Variants in FAM53A observed in about 807,000 individuals in gnomAD.
FAM53A encodes the protein protein FAM53A.
Under a neutral mutation model 26.6 loss-of-function variants are expected in FAM53A, and 28 were observed. The ratio of observed to expected loss-of-function variants is 1.05; its 90% CI spans 0.78 to 1.45. FAM53A has a LOEUF of 1.45. FAM53A is among the 40% of genes most tolerant of loss of function. FAM53A has a pLI of 0.00. For synonymous variants in FAM53A, 290 were observed against 253.1 expected (o/e 1.15, Z -1.38); for missense variants, 650 against 575.8 (o/e 1.13, Z -1.32).
At chr4:1,634,220 G>T (rs998962929) in intron 1 of FAM53A, among the ~76,000 whole-genome samples, 1 of 152,174 alleles carries the variant, frequency 6.6e-6, no homozygotes, top group Non-Finnish European at 1.5e-5. Flanking sequence ...AAGCTGCTTC[G>T]TGCAAACAGG....
chr4:1,616,246 A>C (rs1714806904), downstream of FAM53A, among the ~76,000 whole-genome samples: 1 of 152,246 alleles, frequency 6.6e-6, no homozygotes, highest in Non-Finnish European at 1.5e-5. Flanking sequence ...GTCACAGGAC[A>C]CATCAGCACT....
At chr4:1,622,652 G>A (rs1426148353) in intron 1 of FAM53A, among the ~76,000 whole-genome samples, 5 of 152,254 alleles carry the variant, frequency 3.3e-5, no homozygotes, top group African/African-American at 1.2e-4. Context: ...GCTGTGAGGG[G>A]ACGGTGGAGC....
chr4:1,618,589 G>C (rs1487331552), intron 1 of FAM53A, among the ~76,000 whole-genome samples: 1 of 152,204 alleles, frequency 6.6e-6, no homozygotes, highest in Non-Finnish European at 1.5e-5. Flanking sequence ...GAAGACGGGA[G>C]GGGAGGCTGT....
intron 2 of FAM53A, among the ~76,000 whole-genome samples, chr4:1,663,508 A>G (rs1213126481): frequency 1.3e-5 from 2 of 152,190 alleles, no homozygotes; most frequent in African/African-American, 4.8e-5. Context: ...GTGGTCTCTC[A>G]AACACGAACC....
chr4:1,582,207 A>G, the FAM53A span, among the ~76,000 whole-genome samples: 1 of 152,230 alleles, frequency 6.6e-6, no homozygotes, highest in Non-Finnish European at 1.5e-5. Flanking sequence ...TTTACTACTG[A>G]TATGATAAGA....
At chr4:1,626,457 A>T (rs1484152244) in intron 1 of FAM53A, among the ~76,000 whole-genome samples, 1 of 152,144 alleles carries the variant, frequency 6.6e-6, no homozygotes, top group Non-Finnish European at 1.5e-5. Context: ...GGGAGGACCC[A>T]GTGTAGACTC....
the FAM53A span, among the ~76,000 whole-genome samples, chr4:1,608,758 G>T: frequency 6.6e-6 from 1 of 152,200 alleles, no homozygotes; most frequent in East Asian, 1.9e-4. Context: ...CTCGCCGGAG[G>T]GAGAGCCGTT....
intron 1 of FAM53A, among the ~76,000 whole-genome samples, chr4:1,676,888 T>C (rs769596178): frequency 1.3e-5 from 2 of 152,164 alleles, no homozygotes; most frequent in Non-Finnish European, 2.9e-5. Flanking sequence ...TCTCCAAAGT[T>C]CATAATTCCT....
In FAM53A at chr4:1,677,068, C is replaced by G. The variant is rs183426046; in HGVS notation, c.-165+7165G>C. Among the ~76,000 whole-genome samples the G allele has an allele frequency of 1.4e-3, 207 of 152,314 alleles. 1 individual carries two copies. The highest frequency in any genetic ancestry group is 4.1e-3 in the African/African-American group (172 of 41,570). On this transcript the variant is annotated intron_variant, in intron 1 of 4. Coordinates refer to ENST00000308132, the MANE Select transcript of FAM53A (RefSeq NM_001174070.3). ...TGCTCAGCACTGGCGGGGCTGTGCT[C>G]TAGCCCACTCGGGGCACCCCTCCCC...
downstream of FAM53A, among the ~76,000 whole-genome samples, chr4:1,634,909 A>AAT (rs990678101): frequency 6.6e-6 from 1 of 152,052 alleles, no homozygotes; most frequent in African/African-American, 2.4e-5. Flanking sequence ...TCAAAAAAAA[A>AAT]AAAATAAAAA....
chr4:1,658,466 C>T (rs1577130655), intron 2 of FAM53A, among the ~76,000 whole-genome samples: 1 of 152,356 alleles, frequency 6.6e-6, no homozygotes, highest in East Asian at 1.9e-4. Flanking sequence ...CAGCCAAGAC[C>T]CAAGGGGCCC....
chr4:1,651,619 G>A (rs2108874058), intron 4 of FAM53A, among the ~76,000 whole-genome samples: 1 of 152,162 alleles, frequency 6.6e-6, no homozygotes, highest in Admixed American at 6.5e-5. Context: ...AAGGCCTGAG[G>A]CAGAATAACC....
At chr4:1,665,821 TGAA>T (rs1286851516) in intron 2 of FAM53A, among the ~76,000 whole-genome samples, 1 of 152,032 alleles carries the variant, frequency 6.6e-6, no homozygotes, top group Non-Finnish European at 1.5e-5. Context: ...CACAAAGAGA[TGAA>T]GAATGGGAGG....
At chr4:1,675,463 C>T (rs1015214551) in intron 1 of FAM53A, among the ~76,000 whole-genome samples, 2 of 152,188 alleles carry the variant, frequency 1.3e-5, no homozygotes, top group African/African-American at 4.8e-5. Flanking sequence ...CTTCAGAGGA[C>T]GGCTACAACG....
At chr4:1,623,927 C>T (rs1002621442) in intron 1 of FAM53A, among the ~76,000 whole-genome samples, 13 of 152,206 alleles carry the variant, frequency 8.5e-5, no homozygotes, top group Non-Finnish European at 1.9e-4. Context: ...GCACAGCCCC[C>T]AGGCCAGGAG....
chr4:1,660,705 G>A (rs146631138), intron 2 of FAM53A, among the ~76,000 whole-genome samples: 1,793 of 152,082 alleles, frequency 0.012, 40 homozygotes, highest in African/African-American at 0.041. Flanking sequence ...TGGCTAACAC[G>A]GTGAAACCCC....
At chr4:1,660,412 C>A (rs760977971) in intron 2 of FAM53A, among the ~76,000 whole-genome samples, 1 of 151,924 alleles carries the variant, frequency 6.6e-6, no homozygotes. Context: ...GCCTGGGCAA[C>A]ACAGGGAAAC....
chr4:1,610,959 C>T, the FAM53A span, among the ~76,000 whole-genome samples: 2 of 152,246 alleles, frequency 1.3e-5, no homozygotes, highest in Non-Finnish European at 2.9e-5. Flanking sequence ...TCTGAGCACC[C>T]ACCCTGCTCC....
chr4:1,591,245 C>T, the FAM53A span, among the ~76,000 whole-genome samples: 6 of 151,832 alleles, frequency 4.0e-5, no homozygotes, highest in Non-Finnish European at 8.8e-5. Context: ...GTTTGTTTTT[C>T]GTTCAACCTG....
Sources: gnomAD v4.1 joint callset for allele counts (sites outside exome capture counted in the v4.1 genomes callset) on GRCh38, gnomAD v4.1.1 for gene constraint, MANE v1.5 for transcripts, NCBI Gene and HGNC (gene_info 2026-07-23, HGNC 2026-07-21) for gene names.